Variants in CNGA3 observed in about 807,000 individuals in gnomAD.
CNGA3 encodes the protein cyclic nucleotide-gated channel alpha-3.
A neutral mutation model predicts 46.6 loss-of-function variants in CNGA3; 42 were observed. The observed-to-expected ratio is 0.90, with a 90% CI of 0.70 to 1.17. The LOEUF (loss-of-function observed/expected upper bound fraction) is 1.17, where lower values mean the gene tolerates loss of function less well. Among genes scored for constraint, CNGA3 ranks in the 50% most tolerant of loss-of-function variants. The probability of loss-of-function intolerance (pLI) is 0.00; values close to 1 mark genes in which losing one functional copy is unlikely to be tolerated. For synonymous variants in CNGA3, 394 were observed against 369.4 expected (o/e 1.07, Z -0.76); for missense variants, 893 against 890.7 (o/e 1.00, Z -0.03).
chr2:98,396,423 A>T lies in CNGA3; in HGVS notation c.1253A>T (p.Asp418Val), dbSNP rs1456528912. ...CGGGCAGAGTTCCAGGCCAAGATTG[A>T]TTCCATCAAGCAGTACATGCAGTTC... Reference protein sequence around the residue: ...ASRAEFQAKIDSIKQYMQFRK... With the variant: ...ASRAEFQAKIVSIKQYMQFRK... Residue 418 changes from aspartate (D) to valine (V), a missense_variant, in exon 8 of 8, where the codon GAT becomes GTT. Physicochemically the swap from Asp to Val is radical, Grantham distance 152 (BLOSUM62 -3). This residue lies in a region of CNGA3 where 548 missense variants were observed against 570.8 expected (regional missense o/e 0.96). Coordinates refer to ENST00000272602, the MANE Select transcript of CNGA3 (RefSeq NM_001298.3). The T allele has an allele frequency of 6.2e-7, 1 of 1,613,900 alleles. No individual in the cohort carries two copies. Among genetic ancestry groups the T allele is most frequent in the South Asian group, 1.1e-5 (1 of 91,072 alleles).
chr2:98,355,603 C>G (rs76792799), intron 1 of CNGA3, among the ~76,000 whole-genome samples: 1 of 152,218 alleles, frequency 6.6e-6, no homozygotes. Flanking sequence ...AAAGATAGCA[C>G]TGACATGTCT....
intron 6 of CNGA3, among the ~76,000 whole-genome samples, chr2:98,390,302 T>TTA (rs756649847): frequency 0.014 from 2,134 of 149,752 alleles, 21 homozygotes; most frequent in Non-Finnish European, 0.022. Context: ...CGCCTGGCTT[T>TTA]TATATATATA....
chr2:98,368,895 G>T (rs1692223416), intron 1 of CNGA3, among the ~76,000 whole-genome samples: 1 of 152,208 alleles, frequency 6.6e-6, no homozygotes, highest in Admixed American at 6.5e-5. Context: ...GTAGGTCAAG[G>T]TGTGGCCATC....
intron 5 of CNGA3, among the ~76,000 whole-genome samples, chr2:98,386,088 T>C (rs1265708394): frequency 6.6e-6 from 1 of 152,178 alleles, no homozygotes; most frequent in Non-Finnish European, 1.5e-5. Context: ...GAAGACTGAA[T>C]GTGTTACTCT....
intron 2 of CNGA3, among the ~76,000 whole-genome samples, chr2:98,371,473 G>A (rs1692287970): frequency 6.6e-6 from 1 of 152,134 alleles, no homozygotes; most frequent in Non-Finnish European, 1.5e-5. Context: ...CCCCATTATG[G>A]CAAACCCACA....
chr2:98,394,738 T>G (rs1485063787), intron 7 of CNGA3, among the ~76,000 whole-genome samples: 1 of 152,242 alleles, frequency 6.6e-6, no homozygotes, highest in Non-Finnish European at 1.5e-5. Context: ...GAAAATAGAA[T>G]GTCTCAGGAA....
Position 98,392,070 on chromosome 2 carries a change from A to G in CNGA3, c.673+100A>G, listed in dbSNP as rs1692803583. The G allele has an allele frequency of 3.7e-6, 4 of 1,074,260 alleles. No individual in the cohort carries two copies. In the South Asian group the frequency reaches 5.2e-5, roughly 14 times the overall value. The allele number at this position is 1,074,260 out of a possible 1,614,324, so 66.5% of individuals were successfully genotyped here. Reference sequence around the variant, plus strand: ...GGGACATTACCTACCCTTGACCATGAGAGGCCAGGCAGGTCTGGGGACCTC... The same window carrying G: ...GGGACATTACCTACCCTTGACCATGGGAGGCCAGGCAGGTCTGGGGACCTC... On this transcript the variant is annotated intron_variant, in intron 7 of 7. Coordinates refer to ENST00000272602, the MANE Select transcript of CNGA3 (RefSeq NM_001298.3).
Position 98,370,071 on chromosome 2 carries a change from C to T in CNGA3, c.96C>T (p.Leu32=). 6.2e-7 allele frequency: 1 copy of T among 1,612,296 alleles called. No homozygotes were observed. The highest frequency in any genetic ancestry group is 8.5e-7 in the Non-Finnish European group (1 of 1,178,672). Residue 32 remains leucine, a synonymous_variant, in exon 2 of 8, where the codon CTC becomes CTT. Coordinates refer to ENST00000272602, the MANE Select transcript of CNGA3 (RefSeq NM_001298.3). ...DRDLNRAENG[L]SRAHSSSEET... Reference sequence around the variant, plus strand: ...ATCTCAATCGCGCTGAAAATGGCCTCAGCAGGTAAGATGGGCTAAGATGGG... The same window carrying T: ...ATCTCAATCGCGCTGAAAATGGCCTTAGCAGGTAAGATGGGCTAAGATGGG...
intron 1 of CNGA3, among the ~76,000 whole-genome samples, chr2:98,347,334 C>A (rs116807729): frequency 0.017 from 2,558 of 152,292 alleles, 79 homozygotes; most frequent in African/African-American, 0.059. Context: ...CTGCAATCCC[C>A]TAACCGGATA....
At position 98,397,599 on chromosome 2, in the gene CNGA3, T is replaced by C. The variant is rs1692951908; in HGVS notation, c.*344T>C. On this transcript the variant is annotated 3_prime_UTR_variant, in exon 8 of 8. Transcript: ENST00000272602. ...TGCAAGGTGTTTTTAGGCTTTTTAA[T>C]CTGATTTTCTTATAAATGAAAGATT... The C allele has an allele frequency of 2.8e-6, 1 of 357,120 alleles. No homozygotes were observed. The highest frequency in any genetic ancestry group is 5.2e-6 in the Non-Finnish European group (1 of 192,460). 22.1% of individuals were successfully genotyped at this position (357,120 alleles called of 1,614,324 possible).
At position 98,396,956 on chromosome 2, in the gene CNGA3, A is replaced by T; in HGVS notation, c.1786A>T (p.Lys596Ter). ...CCTCACCGAGTACCCCGAAGCCAAGAAGGCCCTGGAGGAGAAAGGACGGCA... is the reference window on the plus strand; with the variant it reads ...CCTCACCGAGTACCCCGAAGCCAAGTAGGCCCTGGAGGAGAAAGGACGGCA... ...EALTEYPEAKKALEEKGRQIL... is the reference protein window; with the variant it reads ...EALTEYPEAK Residue 596 changes from lysine (K) to a stop codon, truncating the protein, a stop_gained, in exon 8 of 8, where the codon AAG becomes TAG. Transcript: ENST00000272602. LOFTEE classifies it low-confidence loss of function (END_TRUNC). The T allele has an allele frequency of 6.2e-7, 1 of 1,614,106 alleles. No individual in the cohort carries two copies. Among genetic ancestry groups the T allele is most frequent in the Non-Finnish European group, 8.5e-7 (1 of 1,180,022 alleles).
At chr2:98,391,776 CT>C in intron 6 of CNGA3, 87 bp from the exon 7 acceptor site, 1 of 1,260,136 alleles carries the variant, frequency 7.9e-7, no homozygotes, top group Non-Finnish European at 1.2e-6. Context: ...GATCCAGCGT[CT>C]TCCACACAGA....
At chr2:98,358,762 C>T (rs1324186315) in intron 1 of CNGA3, among the ~76,000 whole-genome samples, 2 of 147,410 alleles carry the variant, frequency 1.4e-5, no homozygotes, top group African/African-American at 4.8e-5. Flanking sequence ...GAAAAAAGAT[C>T]TTCTGAGTTA....
chr2:98,389,990 G>A (rs1394433859), intron 6 of CNGA3, among the ~76,000 whole-genome samples: 1 of 152,202 alleles, frequency 6.6e-6, no homozygotes, highest in Non-Finnish European at 1.5e-5. Flanking sequence ...TGAGCTTCAG[G>A]TGGACAGCCA....
chr2:98,380,842 G>C (rs576329128), intron 4 of CNGA3, among the ~76,000 whole-genome samples: 2 of 152,290 alleles, frequency 1.3e-5, no homozygotes, highest in East Asian at 1.9e-4. Context: ...AGAGTCTACA[G>C]GTTGGTCAGA....
In CNGA3 at chr2:98,372,239, C is replaced by A. The variant is rs188973599; in HGVS notation, c.101+2163C>A. ...TTTGGCCAGTGACCTCCAAGCCCAG[C>A]TTGACCTGTATCCTGTTGAAGCTTG... is the stretch of plus-strand genomic sequence containing the variant. On this transcript the variant is annotated intron_variant, in intron 2 of 7. Transcript: ENST00000272602. 6.2e-4 allele frequency among the ~76,000 whole-genome samples: 94 copies of A among 152,364 alleles called. 1 individual carries two copies. Among genetic ancestry groups the A allele is most frequent in the African/African-American group, 2.1e-3 (87 of 41,592 alleles).
chr2:98,360,620 A>G (rs758821056), intron 1 of CNGA3, among the ~76,000 whole-genome samples: 3 of 152,212 alleles, frequency 2.0e-5, no homozygotes, highest in Non-Finnish European at 4.4e-5. Flanking sequence ...TGAATGGACA[A>G]TTTTGAATTG....
chr2:98,357,474 C>T (rs1691908767), intron 1 of CNGA3, among the ~76,000 whole-genome samples: 1 of 152,204 alleles, frequency 6.6e-6, no homozygotes, highest in African/African-American at 2.4e-5. Flanking sequence ...TTGCACCCAT[C>T]GTGCCTCTAC....
chr2:98,397,305 G>GT lies in CNGA3; in HGVS notation c.*51dup, dbSNP rs1558821349. 6.4e-7 allele frequency: 1 copy of GT among 1,560,432 alleles called. No homozygotes were observed. On this transcript the variant is annotated 3_prime_UTR_variant, in exon 8 of 8. Transcript: ENST00000272602. Reference sequence around the variant, plus strand: ...CACAGGGTCGACTGTCAGGGTGACCGTATGTGGCCGCAGCTGTGTGGCATG... The same window carrying GT: ...CACAGGGTCGACTGTCAGGGTGACCGTTATGTGGCCGCAGCTGTGTGGCATG...
Sources: gnomAD v4.1 joint callset for allele counts (sites outside exome capture counted in the v4.1 genomes callset) on GRCh38, gnomAD v4.1.1 for gene constraint, gnomAD v4.1.1 regional missense constraint, MANE v1.5 for transcripts, NCBI Gene and HGNC (gene_info 2026-07-23, HGNC 2026-07-21) for gene names.